SPATA6: variants seen among roughly 807,000 people sequenced by gnomAD.
SPATA6 encodes the protein spermatogenesis associated 6.
A neutral mutation model predicts 65.3 loss-of-function variants in SPATA6; 56 were observed. The ratio of observed to expected loss-of-function variants is 0.86; its 90% CI spans 0.69 to 1.07. SPATA6 has a LOEUF of 1.07. Among genes scored for constraint, SPATA6 ranks in the 50% least tolerant of loss-of-function variants. SPATA6 has a pLI of 0.00. For synonymous variants in SPATA6, 199 were observed against 213.2 expected, an observed-to-expected ratio of 0.93 and a Z score of 0.58; for missense variants, 590 against 594.8, an observed-to-expected ratio of 0.99 and a Z score of 0.08.
At chr1:48,452,972 T>C (rs1656708190) in intron 2 of SPATA6, 22 bp downstream of exon 2, 2 of 1,606,734 alleles carry the variant, frequency 1.2e-6, no homozygotes, top group South Asian at 2.2e-5. Flanking sequence ...TTGTTAATAC[T>C]TGATCTGATA....
chr1:48,364,983 T>A (rs1646950868), intron 9 of SPATA6, among the ~76,000 whole-genome samples: 1 of 152,234 alleles, frequency 6.6e-6, no homozygotes, highest in African/African-American at 2.4e-5. Context: ...GTATAAGGTG[T>A]AAGGAAAGGA....
chr1:48,455,702 G>A (rs1289157538), intron 1 of SPATA6, among the ~76,000 whole-genome samples: 1 of 152,130 alleles, frequency 6.6e-6, no homozygotes, highest in Non-Finnish European at 1.5e-5. Flanking sequence ...TTTTTTAAAT[G>A]TAGCTATTAG....
Position 48,443,056 on chromosome 1 carries a change from G to GT in SPATA6, c.238+8495dup, listed in dbSNP as rs201533461. The stretch of plus-strand genomic sequence containing the variant: ...AGGAAAAAAGACACAATGGTATTCA[G>GT]TAAGTGATAAGGAAGCAGACTTAGG... On this transcript the variant is annotated intron_variant, in intron 3 of 12. Coordinates refer to ENST00000371847, the MANE Select transcript of SPATA6 (RefSeq NM_019073.4). 8.5e-3 allele frequency among the ~76,000 whole-genome samples: 1,300 copies of GT among 152,282 alleles called. 22 individuals carry two copies. Among genetic ancestry groups the GT allele is most frequent in the African/African-American group, 0.03 (1,258 of 41,552 alleles).
In SPATA6 at chr1:48,451,541, A is replaced by T. The variant is rs775492898; in HGVS notation, c.238+11T>A. ...TCTTAGAATCAGGAATTAAAAAGTT[A>T]AAAAACTTACATTCAAGCTGTGTAA... On this transcript the variant is annotated intron_variant, in intron 3 of 12. Coordinates refer to ENST00000371847, the MANE Select transcript of SPATA6 (RefSeq NM_019073.4). The T allele has an allele frequency of 1.9e-6, 3 of 1,604,106 alleles. No homozygotes were observed. The highest frequency in any genetic ancestry group is 2.6e-6 in the Non-Finnish European group (3 of 1,176,214).
intron 3 of SPATA6, among the ~76,000 whole-genome samples, chr1:48,445,404 CTG>C (rs1342089755): frequency 1.3e-5 from 2 of 152,140 alleles, no homozygotes; most frequent in African/African-American, 2.4e-5. Context: ...TGGCTCACGC[CTG>C]TAATCCCAGC....
At chr1:48,403,743 G>A (rs895925423) in intron 6 of SPATA6, 59 bp downstream of exon 6, 38 of 1,384,420 alleles carry the variant, frequency 2.7e-5, no homozygotes, top group Non-Finnish European at 3.7e-5. Flanking sequence ...CTTGCCAAAA[G>A]GCCACAAATA....
At chr1:48,353,090 A>G (rs1646557307) in intron 11 of SPATA6, among the ~76,000 whole-genome samples, 1 of 151,934 alleles carries the variant, frequency 6.6e-6, no homozygotes, top group Non-Finnish European at 1.5e-5. Context: ...AAATGGAAAC[A>G]GTGAATTGCA....
At chr1:48,410,610 A>G (rs547664836) in intron 5 of SPATA6, among the ~76,000 whole-genome samples, 1 of 152,326 alleles carries the variant, frequency 6.6e-6, no homozygotes, top group African/African-American at 2.4e-5. Context: ...TAACTGACTC[A>G]CAGTTTTACA....
intron 3 of SPATA6, among the ~76,000 whole-genome samples, chr1:48,429,765 T>C (rs1003978513): frequency 6.6e-6 from 1 of 151,968 alleles, no homozygotes; most frequent in Non-Finnish European, 1.5e-5. Flanking sequence ...AAACAATGTA[T>C]GAACAAAATG....
At chr1:48,337,337 A>T (rs921178919) in intron 11 of SPATA6, among the ~76,000 whole-genome samples, 4 of 151,810 alleles carry the variant, frequency 2.6e-5, no homozygotes, top group African/African-American at 7.2e-5. Context: ...TGTAATTTTT[A>T]AAAATAAAAA....
chr1:48,422,027 C>T (rs1653389591), intron 3 of SPATA6, among the ~76,000 whole-genome samples: 1 of 151,994 alleles, frequency 6.6e-6, no homozygotes, highest in African/African-American at 2.4e-5. Flanking sequence ...TCATAGAAAG[C>T]TGTAATGCTT....
the SPATA6 span, among the ~76,000 whole-genome samples, chr1:48,277,020 T>C: frequency 1.3e-5 from 2 of 152,102 alleles, no homozygotes; most frequent in African/African-American, 4.8e-5. Context: ...CTTTATTGGG[T>C]GCATATATAT....
chr1:48,336,872 G>C (rs1646076079), intron 11 of SPATA6, among the ~76,000 whole-genome samples: 1 of 151,768 alleles, frequency 6.6e-6, no homozygotes, highest in African/African-American at 2.4e-5. Context: ...AATGAAACAG[G>C]AAAATTCCTA....
chr1:48,364,799 T>C (rs888018159), intron 9 of SPATA6, among the ~76,000 whole-genome samples: 16 of 152,216 alleles, frequency 1.1e-4, no homozygotes, highest in African/African-American at 3.6e-4. Flanking sequence ...GCTCTTTAGT[T>C]TAATTAGATT....
At chr1:48,398,829 C>G (rs997179788) in intron 7 of SPATA6, among the ~76,000 whole-genome samples, 4 of 151,760 alleles carry the variant, frequency 2.6e-5, no homozygotes, top group African/African-American at 9.7e-5. Context: ...CTAGGTTACC[C>G]TTAAATGAAC....
At chr1:48,276,209 T>C in the SPATA6 span, among the ~76,000 whole-genome samples, 3 of 152,214 alleles carry the variant, frequency 2.0e-5, no homozygotes, top group African/African-American at 7.2e-5. Flanking sequence ...TTATTGTGTC[T>C]GTTTGATTCT....
Position 48,359,570 on chromosome 1 carries a change from G to C in SPATA6, c.1094+16C>G. On this transcript the variant is annotated intron_variant, in intron 10 of 12. Transcript: ENST00000371847. Reference sequence around the variant, plus strand: ...ATTCAAAGATCAGTACAGAAATGAAGACCGCACATAATTACCTTTCCCTGA... The same window carrying C: ...ATTCAAAGATCAGTACAGAAATGAACACCGCACATAATTACCTTTCCCTGA... 6.2e-7 allele frequency: 1 copy of C among 1,611,154 alleles called. No homozygotes were observed. Among genetic ancestry groups the C allele is most frequent in the Non-Finnish European group, 8.5e-7 (1 of 1,178,132 alleles).
chr1:48,430,892 A>C (rs1032127472), intron 3 of SPATA6, among the ~76,000 whole-genome samples: 5 of 152,168 alleles, frequency 3.3e-5, no homozygotes, highest in Admixed American at 2.6e-4. Context: ...CATATAGAAA[A>C]CCAATAGCAA....
the SPATA6 span, among the ~76,000 whole-genome samples, chr1:48,289,150 C>T: frequency 7.2e-5 from 11 of 152,176 alleles, no homozygotes; most frequent in Non-Finnish European, 1.3e-4. Context: ...ACGAAGCTTC[C>T]AGAGGAATGA....
Sources: allele counts gnomAD v4.1 joint callset (sites outside exome capture counted in the v4.1 genomes callset), GRCh38; gene constraint gnomAD v4.1.1; transcripts MANE v1.5; gene names NCBI Gene and HGNC (gene_info 2026-07-23, HGNC 2026-07-21).